YAE1: variants seen among roughly 807,000 people sequenced by gnomAD.
YAE1 encodes YAE1 maturation factor of ABCE1.
In YAE1, 22 loss-of-function variants were observed where a neutral mutation model predicts 23.0. The observed-to-expected ratio is 0.96, with a 90% CI of 0.68 to 1.37. The LOEUF (loss-of-function observed/expected upper bound fraction) is 1.37. YAE1 is among the 40% of genes most tolerant of loss of function. The probability of loss-of-function intolerance (pLI) is 0.00; values close to 1 mark genes in which losing one functional copy is unlikely to be tolerated. For synonymous variants in YAE1, 101 were observed against 97.0 expected (o/e 1.04, Z -0.24); for missense variants, 260 against 262.1 (o/e 0.99, Z 0.06).
At chr7:39,603,522 G>T (rs1410871559) in intron 2 of YAE1, among the ~76,000 whole-genome samples, 5 of 152,182 alleles carry the variant, frequency 3.3e-5, no homozygotes, top group African/African-American at 1.2e-4. Flanking sequence ...TAAGCTGTGG[G>T]AATTGTGATG....
downstream of YAE1, among the ~76,000 whole-genome samples, chr7:39,611,360 C>A (rs1254017690): frequency 6.6e-6 from 1 of 152,152 alleles, no homozygotes; most frequent in Non-Finnish European, 1.5e-5. Context: ...CTCATTCACA[C>A]AATCCAAGAG....
chr7:39,573,541 AG>A (rs1583669747), downstream of YAE1, among the ~76,000 whole-genome samples: 1 of 152,274 alleles, frequency 6.6e-6, no homozygotes, highest in East Asian at 1.9e-4. Context: ...GAATCAGGAG[AG>A]GATTTCTCAG....
intron 2 of YAE1, among the ~76,000 whole-genome samples, chr7:39,588,024 C>A (rs947713620): frequency 9.9e-5 from 15 of 152,194 alleles, no homozygotes; most frequent in Non-Finnish European, 8.8e-5. Flanking sequence ...GTTTCCGGGA[C>A]TTGTTAATAA....
At chr7:39,593,405 G>A (rs538587089) in intron 2 of YAE1, among the ~76,000 whole-genome samples, 2 of 151,722 alleles carry the variant, frequency 1.3e-5, no homozygotes, top group Admixed American at 6.6e-5. Context: ...GTGCCACCAC[G>A]CCCAGCTAAT....
At chr7:39,609,707 C>G (rs990947697) in exon 3 of YAE1, 470 of 1,535,524 alleles carry the variant, frequency 3.1e-4, no homozygotes, top group Non-Finnish European at 3.8e-4. Context: ...CCCTCCCGGT[C>G]CCCGGCCACA....
At chr7:39,571,595 A>T (rs1790567332) in intron 2 of YAE1, among the ~76,000 whole-genome samples, 1 of 152,200 alleles carries the variant, frequency 6.6e-6, no homozygotes, top group South Asian at 2.1e-4. Flanking sequence ...CATCAAGTTG[A>T]TGTTACATAA....
downstream of YAE1, among the ~76,000 whole-genome samples, chr7:39,575,245 T>C (rs935395396): frequency 1.3e-5 from 2 of 152,154 alleles, no homozygotes; most frequent in Non-Finnish European, 1.5e-5. Context: ...GGTGCTAATA[T>C]ATCTGAGGTT....
At chr7:39,578,982 CA>C (rs1255725195) in intron 2 of YAE1, among the ~76,000 whole-genome samples, 1 of 152,108 alleles carries the variant, frequency 6.6e-6, no homozygotes, top group African/African-American at 2.4e-5. Context: ...AGAAACTACA[CA>C]AAGGCAAAAA....
chr7:39,589,567 T>C (rs1205070557), intron 2 of YAE1, among the ~76,000 whole-genome samples: 1 of 152,216 alleles, frequency 6.6e-6, no homozygotes. Context: ...CCTGAGACTG[T>C]ATTTTTAAAT....
intron 2 of YAE1, among the ~76,000 whole-genome samples, chr7:39,580,292 A>G (rs1313253788): frequency 6.6e-6 from 1 of 152,236 alleles, no homozygotes; most frequent in African/African-American, 2.4e-5. Flanking sequence ...TAGCTTTTAC[A>G]TATTCCTATT....
chr7:39,591,576 T>C (rs1583679202), intron 2 of YAE1, among the ~76,000 whole-genome samples: 2 of 152,040 alleles, frequency 1.3e-5, no homozygotes, highest in East Asian at 3.9e-4. Flanking sequence ...ATTCAGACAG[T>C]TCCCAGATAC....
intron 2 of YAE1, among the ~76,000 whole-genome samples, chr7:39,584,794 G>A (rs1476370902): frequency 6.6e-6 from 1 of 152,132 alleles, no homozygotes; most frequent in Admixed American, 6.5e-5. Flanking sequence ...CGGGTTGGGA[G>A]GATCGTTTGA....
chr7:39,568,596 T>G (rs963740807), intron 1 of YAE1, among the ~76,000 whole-genome samples: 23 of 152,276 alleles, frequency 1.5e-4, no homozygotes, highest in Admixed American at 1.2e-3. Context: ...ACAGTTCAAT[T>G]TGATGGATCT....
chr7:39,592,732 T>G (rs993109530), intron 2 of YAE1, among the ~76,000 whole-genome samples: 1 of 152,236 alleles, frequency 6.6e-6, no homozygotes, highest in African/African-American at 2.4e-5. Context: ...TATGTGTCAT[T>G]GTTATCCTGT....
intron 2 of YAE1, among the ~76,000 whole-genome samples, chr7:39,606,732 T>C (rs992521848): frequency 3.9e-5 from 6 of 152,114 alleles, no homozygotes; most frequent in Admixed American, 1.3e-4. Flanking sequence ...AAATCCAAGA[T>C]AGCATTATGC....
Position 39,572,587 on chromosome 7 carries a change from A to G in YAE1, c.562A>G (p.Thr188Ala). The G allele has an allele frequency of 6.2e-7, 1 of 1,614,146 alleles. No individual in the cohort carries two copies. Among genetic ancestry groups the G allele is most frequent in the East Asian group, 2.2e-5 (1 of 44,874 alleles). ...IDCSYVECCR[T>A]QEHAHSENPS... ...TTGTTCATATGTAGAATGTTGTAGAACACAGGAGCATGCACATTCAGAAAA... is the reference window on the plus strand; with the variant it reads ...TTGTTCATATGTAGAATGTTGTAGAGCACAGGAGCATGCACATTCAGAAAA... Residue 188 changes from threonine to alanine, a missense_variant, in exon 3 of 3, where the codon ACA becomes GCA. Thr to Ala is a moderately conservative substitution (Grantham distance 58). Transcript: ENST00000223273.
downstream of YAE1, among the ~76,000 whole-genome samples, chr7:39,576,288 G>T (rs1260425416): frequency 6.6e-6 from 1 of 152,108 alleles, no homozygotes; most frequent in Non-Finnish European, 1.5e-5. Context: ...CTGTCTTCCT[G>T]TCCATTCTGT....
Position 39,572,642 on chromosome 7 carries a change from C to T in YAE1, c.617C>T (p.Thr206Ile). 6.2e-7 allele frequency: 1 copy of T among 1,613,700 alleles called. No homozygotes were observed. The highest frequency in any genetic ancestry group is 1.3e-5 in the African/African-American group (1 of 75,028). The change falls in exon 3 of 3, where the codon ACA (threonine) becomes ATA (isoleucine). Residue 206 changes from threonine (T) to isoleucine (I), a missense_variant. Coordinates refer to ENST00000223273, the MANE Select transcript of YAE1 (RefSeq NM_020192.5). ...AGCCCCACATGGATTTTGGAACAGACAGCCAGTTTAGTTAAACAGCTGGGC... is the reference window on the plus strand; with the variant it reads ...AGCCCCACATGGATTTTGGAACAGATAGCCAGTTTAGTTAAACAGCTGGGC... ...NPSPTWILEQ[T>I]ASLVKQLGLS...
intron 2 of YAE1, among the ~76,000 whole-genome samples, chr7:39,605,797 CAAGT>C (rs778365697): frequency 6.6e-6 from 1 of 152,160 alleles, no homozygotes; most frequent in Non-Finnish European, 1.5e-5. Context: ...TCTCCCAAAG[CAAGT>C]TCTTTCTTCA....
Sources: gnomAD v4.1 joint callset for allele counts (sites outside exome capture counted in the v4.1 genomes callset) on GRCh38, gnomAD v4.1.1 for gene constraint, MANE v1.5 for transcripts, NCBI Gene and HGNC (gene_info 2026-07-23, HGNC 2026-07-21) for gene names.